AMY2B: variants seen among roughly 807,000 people sequenced by gnomAD.
The protein encoded by AMY2B is alpha-amylase 2B.
In AMY2B, 63 loss-of-function variants were observed where a neutral mutation model predicts 59.3. The observed-to-expected ratio is 1.06, with a 90% CI of 0.87 to 1.31. The LOEUF (loss-of-function observed/expected upper bound fraction) is 1.31, where lower values mean the gene tolerates loss of function less well. Ranked by LOEUF, AMY2B falls within the 50% of genes most tolerant of loss-of-function variation. AMY2B has a pLI of 0.00. For synonymous variants in AMY2B, 180 were observed against 198.1 expected (o/e 0.91, Z 0.77); for missense variants, 635 against 626.7 (o/e 1.01, Z -0.14).
At chr1:103,572,941 A>C (rs572585218) in intron 2 of AMY2B, 122 bp from the exon 3 acceptor site, 143 of 1,565,796 alleles carry the variant, frequency 9.1e-5, no homozygotes, top group Non-Finnish European at 1.1e-4. Context: ...TTGTAGGAAA[A>C]TAGTTATAAG....
At chr1:103,568,128 C>A (rs1480887430), upstream of AMY2B, among the ~76,000 whole-genome samples, 3 of 152,130 alleles carry the variant, frequency 2.0e-5, no homozygotes, top group Admixed American at 6.5e-5. Context: ...AATATATTTT[C>A]TTTTCTTTCC....
intron 7 of AMY2B, among the ~76,000 whole-genome samples, chr1:103,576,123 A>C (rs1191330301): frequency 2.6e-5 from 4 of 152,164 alleles, no homozygotes; most frequent in South Asian, 2.1e-4. Flanking sequence ...CATTTATCTG[A>C]TGAGTAGTTT....
At chr1:103,574,494 T>A (rs1484882326) in intron 5 of AMY2B, 101 bp downstream of exon 5, 1 of 1,589,644 alleles carries the variant, frequency 6.3e-7, no homozygotes, top group African/African-American at 1.3e-5. Flanking sequence ...CAGACAACTA[T>A]CAAGGAGTCA....
chr1:103,559,313 A>G (rs1270630390), intron 1 of AMY2B, among the ~76,000 whole-genome samples: 1 of 152,204 alleles, frequency 6.6e-6, no homozygotes, highest in Non-Finnish European at 1.5e-5. Context: ...CAGTACAATA[A>G]CATGCCTTAC....
At chr1:103,569,153 C>T (rs1652014873), upstream of AMY2B, 1 of 152,040 alleles carries the variant, frequency 6.6e-6, no homozygotes, top group Non-Finnish European at 1.5e-5. Flanking sequence ...TTACCTCCTA[C>T]CAGGTCCCTC....
chr1:103,579,423 G>C lies in AMY2B; in HGVS notation c.1459G>C (p.Asp487His). ...CTGIKIYVSDDGKAHFSISNS... is the reference protein window; with the variant it reads ...CTGIKIYVSDHGKAHFSISNS... ...AGGCATTAAAATCTACGTTTCTGAC[G>C]ATGGCAAAGCTCATTTTTCTATTAG... The change falls in exon 10 of 10, where the codon GAT becomes CAT. Residue 487 changes from aspartate (D) to histidine (H), a missense_variant. Physicochemically the swap from Asp to His is moderately conservative, Grantham distance 81. Transcript: ENST00000684275. 1 of 1,611,758 alleles carries C rather than the reference G, an allele frequency of 6.2e-7. No individual in the cohort carries two copies. Among genetic ancestry groups the C allele is most frequent in the Non-Finnish European group, 8.5e-7 (1 of 1,179,716 alleles).
At chr1:103,560,702 T>A (rs1651705066) in intron 1 of AMY2B, among the ~76,000 whole-genome samples, 1 of 152,160 alleles carries the variant, frequency 6.6e-6, no homozygotes, top group Non-Finnish European at 1.5e-5. Context: ...TGCAGTTGTT[T>A]TTATTTTTGA....
chr1:103,563,719 AAT>A (rs1460590259), intron 1 of AMY2B, among the ~76,000 whole-genome samples: 1 of 152,130 alleles, frequency 6.6e-6, no homozygotes, highest in Non-Finnish European at 1.5e-5. Context: ...CAACATTCCA[AAT>A]GCATTGTGAA....
rs1267033419 is a variant in AMY2B at position 103,572,944 on chromosome 1, G to A, written c.316-119G>A. ...TGATTTTTGATCTTGTAGGAAAATA[G>A]TTATAAGATATCATGAAATATTTTG... On this transcript the variant is annotated intron_variant, in intron 2 of 9. Transcript: ENST00000684275. 1.9e-5 allele frequency: 30 copies of A among 1,574,644 alleles called. No homozygotes were observed. The East Asian group carries it at 5.6e-4, about 29-fold the overall frequency.
At chr1:103,568,931 C>T (rs1652005731), upstream of AMY2B, 1 of 152,042 alleles carries the variant, frequency 6.6e-6, no homozygotes, top group African/African-American at 2.4e-5. Flanking sequence ...ATTCAATCCA[C>T]TCACAGTTCC....
intron 1 of AMY2B, among the ~76,000 whole-genome samples, chr1:103,559,362 G>A (rs1044905562): frequency 6.6e-6 from 1 of 152,122 alleles, no homozygotes; most frequent in African/African-American, 2.4e-5. Flanking sequence ...TGCCATCTAC[G>A]TTTATGGAAG....
chr1:103,560,619 A>T (rs1047731430), intron 1 of AMY2B, among the ~76,000 whole-genome samples: 4 of 152,144 alleles, frequency 2.6e-5, no homozygotes, highest in Non-Finnish European at 5.9e-5. Flanking sequence ...CACAGTCCAA[A>T]GTTAATGCCT....
intron 2 of AMY2B, among the ~76,000 whole-genome samples, chr1:103,566,509 A>G (rs1457257410): frequency 6.6e-6 from 1 of 152,188 alleles, no homozygotes; most frequent in East Asian, 1.9e-4. Context: ...TCATAAAAAT[A>G]TATTTTTTTA....
intron 1 of AMY2B, among the ~76,000 whole-genome samples, chr1:103,563,656 A>C (rs971462153): frequency 6.6e-6 from 1 of 152,130 alleles, no homozygotes; most frequent in African/African-American, 2.4e-5. Flanking sequence ...TCTACCTTTC[A>C]TGCAGTGCTA....
chr1:103,573,626 A>T, intron 3 of AMY2B, 82 bp from the exon 4 acceptor site: 1 of 1,581,490 alleles, frequency 6.3e-7, no homozygotes, highest in Non-Finnish European at 8.7e-7. Context: ...TTGAGGAATC[A>T]TGGAATAAAT....
At chr1:103,571,454 G>A (rs111923147), upstream of AMY2B, 5 of 1,459,460 alleles carry the variant, frequency 3.4e-6, no homozygotes, top group Non-Finnish European at 3.7e-6. Flanking sequence ...TTCTTCTCCT[G>A]TTAGGATTAT....
intron 9 of AMY2B, 88 bp from the exon 10 acceptor site, chr1:103,579,223 A>G (rs759918875): frequency 4.7e-5 from 76 of 1,607,688 alleles, no homozygotes; most frequent in Non-Finnish European, 5.7e-5. Flanking sequence ...TTAGGGTTCT[A>G]CAACATAAAG....
chr1:103,557,839 A>G (rs1651609618), intron 1 of AMY2B, among the ~76,000 whole-genome samples: 1 of 152,186 alleles, frequency 6.6e-6, no homozygotes, highest in South Asian at 2.1e-4. Context: ...TTATGGGAAC[A>G]TTAGATGAAG....
intron 1 of AMY2B, among the ~76,000 whole-genome samples, chr1:103,563,753 A>G (rs539851182): frequency 6.6e-6 from 1 of 152,252 alleles, no homozygotes; most frequent in South Asian, 2.1e-4. Context: ...TGCTATTACA[A>G]GAACAGAGTT....
Sources: allele counts gnomAD v4.1 joint callset (sites outside exome capture counted in the v4.1 genomes callset), GRCh38; gene constraint gnomAD v4.1.1; transcripts MANE v1.5; gene names NCBI Gene and HGNC (gene_info 2026-07-23, HGNC 2026-07-21).